IPO5: variants seen among roughly 807,000 people sequenced by gnomAD.
IPO5 encodes the protein importin-5.
IPO5 carries 18 observed loss-of-function variants against 143.3 expected under a neutral mutation model. That is an observed-to-expected ratio of 0.13 (90% confidence interval 0.09 to 0.19). IPO5 has a LOEUF of 0.19. Among genes scored for constraint, IPO5 ranks in the 10% least tolerant of loss-of-function variants. The pLI is 1.00. For synonymous variants in IPO5, 477 were observed against 465.7 expected, an observed-to-expected ratio of 1.02 and a Z score of -0.31; for missense variants, 1,013 against 1,336.9, an observed-to-expected ratio of 0.76 and a Z score of 3.78.
intron 26 of IPO5, among the ~76,000 whole-genome samples, chr13:98,019,102 GC>G (rs1890311844): frequency 6.6e-6 from 1 of 151,960 alleles, no homozygotes; most frequent in African/African-American, 2.4e-5. Flanking sequence ...ACAGGCGCAT[GC>G]CACCACGCCT....
At chr13:97,980,038 T>C (rs1566481384) in intron 4 of IPO5, 1 of 436,556 alleles carries the variant, frequency 2.3e-6, no homozygotes, top group Non-Finnish European at 4.6e-6. Context: ...GTCTTTGCAT[T>C]GTGTAAATTG....
At position 98,006,238 on chromosome 13, in the gene IPO5, C is replaced by T. The variant is rs1430396222; in HGVS notation, c.1606C>T (p.Pro536Ser). Residue 536 changes from proline to serine, a missense_variant, in exon 17 of 29, where the codon CCA (proline) becomes TCA (serine). Coordinates refer to ENST00000651721, the MANE Select transcript of IPO5 (RefSeq NM_002271.6). ...TGTCCCCTACTATGATTTATTTATG[C>T]CATCACTGAAGCACATCGTTGAGAA... ...KFVPYYDLFM[P>S]SLKHIVENAV... 1 of 1,613,126 alleles carries T rather than the reference C, an allele frequency of 6.2e-7. No individual in the cohort carries two copies. The highest frequency in any genetic ancestry group is 1.3e-5 in the African/African-American group (1 of 74,946).
chr13:98,020,586 A>G (rs138637593), intron 27 of IPO5, among the ~76,000 whole-genome samples: 1 of 152,234 alleles, frequency 6.6e-6, no homozygotes, highest in Non-Finnish European at 1.5e-5. Flanking sequence ...TAAATTCGCT[A>G]TCAGGTTTTT....
intron 6 of IPO5, 84 bp from the exon 7 acceptor site, chr13:97,988,978 A>C: frequency 1.4e-6 from 1 of 698,830 alleles, no homozygotes; most frequent in African/African-American, 1.8e-5. Context: ...GGTTTGAATG[A>C]GGCTTATGAA....
Position 98,017,418 on chromosome 13 carries a change from C to T in IPO5, c.2616+567C>T, listed in dbSNP as rs1329920209. 5.9e-5 allele frequency among the ~76,000 whole-genome samples: 9 copies of T among 151,918 alleles called. No homozygotes were observed. The South Asian group carries it at 6.2e-4, about 11-fold the overall frequency. On this transcript the variant is annotated intron_variant, in intron 25 of 28. Transcript: ENST00000651721. Reference sequence around the variant, plus strand: ...TGCAATCTCGGCTCACTGCAACCTCCGCCTTCTGGGTTCAAGCAATTCAGA... The same window carrying T: ...TGCAATCTCGGCTCACTGCAACCTCTGCCTTCTGGGTTCAAGCAATTCAGA...
intron 3 of IPO5, among the ~76,000 whole-genome samples, chr13:97,974,482 G>A (rs1181595646): frequency 2.6e-5 from 4 of 151,644 alleles, no homozygotes; most frequent in East Asian, 1.9e-4. Context: ...GCTAATTTTT[G>A]TATTTTTAGT....
At chr13:97,973,295 G>C (rs954792160) in intron 3 of IPO5, among the ~76,000 whole-genome samples, 8 of 151,812 alleles carry the variant, frequency 5.3e-5, no homozygotes, top group Non-Finnish European at 1.5e-5. Context: ...GGATCCACCC[G>C]CCTCCCAAAG....
intron 13 of IPO5, chr13:98,000,904 C>T: frequency 2.2e-6 from 1 of 460,060 alleles, no homozygotes; most frequent in East Asian, 3.7e-5. Flanking sequence ...ATGTTTGAAT[C>T]ATATACTCTT....
At chr13:97,969,175 A>ATATATATTTTTTTTTTT (rs1234384302) in intron 2 of IPO5, among the ~76,000 whole-genome samples, 2 of 43,904 alleles carry the variant, frequency 4.6e-5, no homozygotes, top group Admixed American at 2.7e-4. Context: ...ATATATATAT[A>ATATATATTTTTTTTTTT]TTTTTTTTTT....
At chr13:97,986,053 T>G (rs1235438815) in intron 6 of IPO5, among the ~76,000 whole-genome samples, 1 of 151,888 alleles carries the variant, frequency 6.6e-6, no homozygotes, top group African/African-American at 2.4e-5. Context: ...AGCTGGAGAC[T>G]ACAGTAAGCG....
At chr13:97,999,523 A>G (rs1161531613) in intron 12 of IPO5, among the ~76,000 whole-genome samples, 3 of 152,242 alleles carry the variant, frequency 2.0e-5, no homozygotes, top group African/African-American at 4.8e-5. Flanking sequence ...GTGAAACAGC[A>G]TAAATATATT....
chr13:98,006,700 T>C (rs1889286005), intron 17 of IPO5, among the ~76,000 whole-genome samples: 1 of 152,034 alleles, frequency 6.6e-6, no homozygotes, highest in Non-Finnish European at 1.5e-5. Context: ...TTAAATTTAC[T>C]GTACCTAACT....
intron 24 of IPO5, among the ~76,000 whole-genome samples, 167 bp downstream of exon 24, chr13:98,015,948 A>G (rs1040471755): frequency 3.3e-5 from 5 of 152,248 alleles, no homozygotes; most frequent in Non-Finnish European, 7.3e-5. Flanking sequence ...GTAATTTGAA[A>G]TTAAACTGAT....
intron 13 of IPO5, 98 bp downstream of exon 13, chr13:98,000,743 C>G (rs1226743610): frequency 1.3e-6 from 1 of 767,784 alleles, no homozygotes; most frequent in Non-Finnish European, 2.2e-6. Flanking sequence ...TAATCTTTGT[C>G]TTTTTATCAT....
At chr13:97,969,183 T>A (rs1369759147) in intron 2 of IPO5, among the ~76,000 whole-genome samples, 33 of 91,486 alleles carry the variant, frequency 3.6e-4, no homozygotes, top group Non-Finnish European at 7.2e-4. Context: ...ATATTTTTTT[T>A]TTTTTTTTTT....
In IPO5 at chr13:97,990,139, A is replaced by G. The variant is rs763995786; in HGVS notation, c.481A>G (p.Ile161Val). The change falls in exon 8 of 29, where the codon ATT becomes GTT. Residue 161 changes from isoleucine to valine, a missense_variant. Physicochemically the swap from Ile to Val is conservative, Grantham distance 29. This residue lies in a region of IPO5 where 328 missense variants were observed against 342.0 expected (regional missense o/e 0.96). Transcript: ENST00000651721. ...ATTATCTTTTAGGAACTTTCCTGGAATTTTTGGGAACCAGCAACAACACTA... is the reference window on the plus strand; with the variant it reads ...ATTATCTTTTAGGAACTTTCCTGGAGTTTTTGGGAACCAGCAACAACACTA... ...ALHIFWNFPG[I>V]FGNQQQHYLD... The G allele has an allele frequency of 1.9e-6, 3 of 1,609,726 alleles. No individual in the cohort carries two copies. The South Asian group carries it at 3.3e-5, about 18-fold the overall frequency.
chr13:97,970,471 A>T (rs769732972), intron 3 of IPO5, among the ~76,000 whole-genome samples: 100 of 152,036 alleles, frequency 6.6e-4, no homozygotes, highest in Non-Finnish European at 1.2e-3. Flanking sequence ...ATAAAAAAAA[A>T]TTAGCCGGGC....
At chr13:97,992,208 G>A (rs74434782) in intron 9 of IPO5, among the ~76,000 whole-genome samples, 1 of 152,228 alleles carries the variant, frequency 6.6e-6, no homozygotes, top group East Asian at 1.9e-4. Context: ...TTCTTCCTCT[G>A]GATTTAGAGT....
intron 22 of IPO5, among the ~76,000 whole-genome samples, chr13:98,014,892 A>C (rs1453075425): frequency 6.9e-6 from 1 of 144,502 alleles, no homozygotes; most frequent in Non-Finnish European, 1.5e-5. Context: ...AAATAGCCTC[A>C]CTTGGGCTAC....
Sources: allele counts gnomAD v4.1 joint callset (sites outside exome capture counted in the v4.1 genomes callset), GRCh38; gene constraint gnomAD v4.1.1; regional missense constraint gnomAD v4.1.1; transcripts MANE v1.5; gene names NCBI Gene and HGNC (gene_info 2026-07-23, HGNC 2026-07-21).